NUP188: variants seen among roughly 807,000 people sequenced by gnomAD.
The protein encoded by NUP188 is nucleoporin 188.
Under a neutral mutation model 223.0 loss-of-function variants are expected in NUP188, and 97 were observed. The ratio of observed to expected loss-of-function variants is 0.43; its 90% CI spans 0.37 to 0.51. The LOEUF (loss-of-function observed/expected upper bound fraction) is 0.51, where lower values mean the gene tolerates loss of function less well. Among genes scored for constraint, NUP188 ranks in the 20% least tolerant of loss-of-function variants. NUP188 has a pLI of 0.00. For synonymous variants in NUP188, 869 were observed against 828.0 expected (o/e 1.05, Z -0.85); for missense variants, 1,947 against 2,175.6 (o/e 0.89, Z 2.09).
At chr9:129,002,237 T>C (rs1179828230) in intron 36 of NUP188, among the ~76,000 whole-genome samples, 1 of 152,184 alleles carries the variant, frequency 6.6e-6, no homozygotes, top group Non-Finnish European at 1.5e-5. Flanking sequence ...CTAAACCAGA[T>C]TGATAACACA....
chr9:128,981,989 A>G (rs1311263675), intron 15 of NUP188, among the ~76,000 whole-genome samples: 1 of 152,022 alleles, frequency 6.6e-6, no homozygotes, highest in Admixed American at 6.6e-5. Context: ...AGACAGGAGA[A>G]TCGTTTGAAC....
At chr9:129,003,239 C>T (rs1842707151) in intron 37 of NUP188, 78 bp from the exon 38 acceptor site, 1 of 1,521,140 alleles carries the variant, frequency 6.6e-7, no homozygotes, top group African/African-American at 1.4e-5. Flanking sequence ...GACGTTGCCT[C>T]TCCACAGGAG....
chr9:128,998,419 C>T lies in NUP188; in HGVS notation c.3430-119C>T, dbSNP rs76505497. ...GCCATGCCAACCCTGGCTTCTCCCC[C>T]TCCACTCCACTCCTGTGAGCTCACT... On this transcript the variant is annotated intron_variant, in intron 31 of 43. Transcript: ENST00000372577. 2,765 of 1,042,136 alleles carry T rather than the reference C, an allele frequency of 2.7e-3. 48 individuals carry two copies. The African/African-American group carries it at 0.037, about 14-fold the overall frequency. 64.6% of individuals were successfully genotyped at this position (1,042,136 alleles called of 1,614,324 possible).
chr9:128,948,049 C>T (rs1294417244), intron 1 of NUP188: 1 of 305,668 alleles, frequency 3.3e-6, no homozygotes, highest in South Asian at 1.6e-4. Flanking sequence ...CGTCTCTTGG[C>T]GCCCCACCCG....
rs781782201 is a variant in NUP188, at chr9:128,984,926, A to T, written c.1988A>T (p.Tyr663Phe). The change falls in exon 20 of 44, where the codon TAC becomes TTC. Residue 663 changes from tyrosine to phenylalanine, a missense_variant. By Grantham distance (22) the Tyr-to-Phe change is conservative. This residue lies in a region of NUP188 where 817 missense variants were observed against 865.8 expected (regional missense o/e 0.94). Coordinates refer to ENST00000372577, the MANE Select transcript of NUP188 (RefSeq NM_015354.3). ...GCGGAAGGGATGAATGCTGGAGGGT[A>T]CGGAAACCTCTTGATGAACAGTGAA... ...ISAEGMNAGG[Y>F]GNLLMNSEQP... The T allele has an allele frequency of 1.2e-6, 2 of 1,613,682 alleles. No homozygotes were observed. Among genetic ancestry groups the T allele is most frequent in the East Asian group, 4.5e-5 (2 of 44,854 alleles).
At chr9:128,983,733 A>G (rs559618006) in intron 19 of NUP188, among the ~76,000 whole-genome samples, 183 bp downstream of exon 19, 1 of 152,010 alleles carries the variant, frequency 6.6e-6, no homozygotes, top group Admixed American at 6.6e-5. Flanking sequence ...ATGTTCAAGC[A>G]GTTGTTGTGT....
intron 12 of NUP188, among the ~76,000 whole-genome samples, chr9:128,977,117 AT>A (rs745918158): frequency 0.37 from 46,058 of 124,996 alleles, 8,278 homozygotes; most frequent in Admixed American, 0.42. Context: ...TGGTACTTGG[AT>A]TTTTTTTTTT....
At chr9:128,953,338 G>A (rs931567304) in intron 3 of NUP188, among the ~76,000 whole-genome samples, 6 of 152,136 alleles carry the variant, frequency 3.9e-5, no homozygotes, top group Admixed American at 6.6e-5. Flanking sequence ...TTGGGTAGTG[G>A]AAAACATAGT....
At chr9:128,995,622 C>A in intron 30 of NUP188, 108 bp downstream of exon 30, 1 of 968,002 alleles carries the variant, frequency 1.0e-6, no homozygotes, top group Non-Finnish European at 1.6e-6. Flanking sequence ...CAGGGTTTAT[C>A]CCTGAGAGCT....
At chr9:128,972,390 A>C (rs1403958119) in intron 11 of NUP188, among the ~76,000 whole-genome samples, 1 of 152,208 alleles carries the variant, frequency 6.6e-6, no homozygotes, top group Non-Finnish European at 1.5e-5. Flanking sequence ...GAGAAGGCAA[A>C]ACCTTGGAGA....
At chr9:128,998,684 C>T (rs1842575747) in intron 32 of NUP188, 61 bp downstream of exon 32, 2 of 1,363,402 alleles carry the variant, frequency 1.5e-6, no homozygotes, top group South Asian at 2.3e-5. Flanking sequence ...TGCCTGCTTG[C>T]CTTCCTGAAA....
intron 38 of NUP188, 107 bp downstream of exon 38, chr9:129,003,561 G>C (rs553464952): frequency 7.5e-7 from 1 of 1,339,356 alleles, no homozygotes; most frequent in Non-Finnish European, 1.1e-6. Context: ...GTTCCTGAAC[G>C]GGGGCTTTTC....
intron 12 of NUP188, among the ~76,000 whole-genome samples, chr9:128,974,599 C>T (rs1269201664): frequency 6.6e-6 from 1 of 152,012 alleles, no homozygotes; most frequent in Non-Finnish European, 1.5e-5. Context: ...ACCCCATGAG[C>T]CCATCACCAG....
At chr9:128,972,416 T>C (rs1247907986) in intron 11 of NUP188, among the ~76,000 whole-genome samples, 1 of 152,152 alleles carries the variant, frequency 6.6e-6, no homozygotes, top group African/African-American at 2.4e-5. Flanking sequence ...AAGAGAATAG[T>C]GGGTTGCCAA....
In NUP188 at chr9:128,958,805, G is replaced by A. The variant is rs753507306; in HGVS notation, c.376G>A (p.Ala126Thr). ...RQSQALILKI[A>T]DYYYEERTCI... Reference sequence around the variant, plus strand: ...TTTTGAATTTTGGGTTCCTCAGATTGCAGATTATTATTATGAAGAAAGAAC... The same window carrying A: ...TTTTGAATTTTGGGTTCCTCAGATTACAGATTATTATTATGAAGAAAGAAC... The change falls in exon 7 of 44, where the codon GCA becomes ACA. Residue 126 changes from alanine (A) to threonine (T), a missense_variant. Coordinates refer to ENST00000372577, the MANE Select transcript of NUP188 (RefSeq NM_015354.3). 3 of 1,565,060 alleles carry A rather than the reference G, an allele frequency of 1.9e-6. No individual in the cohort carries two copies. Among genetic ancestry groups the A allele is most frequent in the Non-Finnish European group, 2.6e-6 (3 of 1,150,618 alleles).
intron 41 of NUP188, 46 bp from the exon 42 acceptor site, chr9:129,006,004 G>A (rs759854566): frequency 6.3e-7 from 1 of 1,585,678 alleles, no homozygotes; most frequent in Non-Finnish European, 8.7e-7. Context: ...TCAGTAAGTG[G>A]GAGCTGTTCC....
intron 29 of NUP188, 82 bp from the exon 30 acceptor site, chr9:128,995,237 C>G: frequency 8.4e-7 from 1 of 1,195,704 alleles, no homozygotes; most frequent in Non-Finnish European, 1.2e-6. Context: ...AGGTCGTTTT[C>G]TCTGCCTCAA....
chr9:128,999,851 C>T lies in NUP188; in HGVS notation c.3843+46C>T, dbSNP rs1842609452. 1.9e-6 allele frequency: 3 copies of T among 1,567,076 alleles called. No homozygotes were observed. The African/African-American group carries it at 4.0e-5, about 21-fold the overall frequency. On this transcript the variant is annotated intron_variant, in intron 34 of 43. Transcript: ENST00000372577. ...GCCATCCGTCCTTTCCACTGCCCGC[C>T]AGCTCTGTGCCTGACTCTGGGGATA... is the stretch of plus-strand genomic sequence containing the variant.
chr9:128,952,359 A>G (rs1482282159), intron 2 of NUP188, among the ~76,000 whole-genome samples: 4 of 150,640 alleles, frequency 2.7e-5, no homozygotes, highest in Non-Finnish European at 4.4e-5. Context: ...AGATTGCGCC[A>G]CTGCACTCCA....
Sources: allele counts gnomAD v4.1 joint callset (sites outside exome capture counted in the v4.1 genomes callset), GRCh38; gene constraint gnomAD v4.1.1; regional missense constraint gnomAD v4.1.1; transcripts MANE v1.5; gene names NCBI Gene and HGNC (gene_info 2026-07-23, HGNC 2026-07-21).